Variants in ANKRD29 observed in about 807,000 individuals in gnomAD.
ANKRD29 encodes the protein ankyrin repeat domain-containing protein 29.
Under a neutral mutation model 38.0 loss-of-function variants are expected in ANKRD29, and 32 were observed. The observed-to-expected ratio is 0.84, with a 90% CI of 0.64 to 1.13. ANKRD29 has a LOEUF of 1.13. ANKRD29 is among the 50% of genes most tolerant of loss of function. ANKRD29 has a pLI of 0.00. For missense variants in ANKRD29, 357 were observed against 377.9 expected, an observed-to-expected ratio of 0.94 and a Z score of 0.46; for synonymous variants, 135 against 152.4, an observed-to-expected ratio of 0.89 and a Z score of 0.84.
intron 3 of ANKRD29, among the ~76,000 whole-genome samples, chr18:23,643,109 T>C (rs1411039406): frequency 6.6e-6 from 1 of 152,238 alleles, no homozygotes; most frequent in East Asian, 1.9e-4. Context: ...TATAAGAATC[T>C]AGGGTGCTGA....
intron 3 of ANKRD29, among the ~76,000 whole-genome samples, chr18:23,645,400 C>T (rs1452060305): frequency 6.6e-6 from 1 of 152,108 alleles, no homozygotes; most frequent in Non-Finnish European, 1.5e-5. Context: ...ATGGTGAAAC[C>T]CCATGTCTAC....
intron 2 of ANKRD29, chr18:23,648,028 G>A (rs1470015256): frequency 6.5e-6 from 1 of 152,716 alleles, no homozygotes; most frequent in Non-Finnish European, 1.5e-5. Context: ...GGGGGGAAGG[G>A]AGCGGCTCCC....
intron 6 of ANKRD29, among the ~76,000 whole-genome samples, chr18:23,624,893 T>C (rs927824681): frequency 1.3e-5 from 2 of 152,232 alleles, no homozygotes; most frequent in Non-Finnish European, 2.9e-5. Flanking sequence ...ATGGAGTATA[T>C]GACACAACCT....
At chr18:23,636,278 G>C (rs1233627811) in intron 4 of ANKRD29, among the ~76,000 whole-genome samples, 3 of 151,748 alleles carry the variant, frequency 2.0e-5, no homozygotes, top group African/African-American at 7.3e-5. Flanking sequence ...TGGGACTACA[G>C]GTGTATGTTA....
chr18:23,606,559 C>A (rs1287177992), intron 9 of ANKRD29, among the ~76,000 whole-genome samples: 1 of 152,182 alleles, frequency 6.6e-6, no homozygotes, highest in Non-Finnish European at 1.5e-5. Context: ...GATCCTCCCA[C>A]CTCTGCCTCC....
At chr18:23,651,237 T>C (rs1243873342) in intron 1 of ANKRD29, among the ~76,000 whole-genome samples, 1 of 152,202 alleles carries the variant, frequency 6.6e-6, no homozygotes, top group African/African-American at 2.4e-5. Context: ...TTGAATAGTT[T>C]CCTGGCTCAT....
At chr18:23,612,066 G>A (rs957829123) in intron 9 of ANKRD29, 26 bp downstream of exon 9, 5 of 1,605,036 alleles carry the variant, frequency 3.1e-6, no homozygotes, top group African/African-American at 2.7e-5. Flanking sequence ...GGGCCCAAAC[G>A]AGTTAAAAGA....
At chr18:23,655,041 T>TG (rs1298147145) in intron 1 of ANKRD29, among the ~76,000 whole-genome samples, 1 of 152,220 alleles carries the variant, frequency 6.6e-6, no homozygotes, top group Non-Finnish European at 1.5e-5. Flanking sequence ...GATGTAGTGA[T>TG]GGATTGCAAA....
chr18:23,648,583 T>A, intron 2 of ANKRD29: 1 of 243,062 alleles, frequency 4.1e-6, no homozygotes, highest in Admixed American at 5.6e-5. Context: ...CAGTGGGCAG[T>A]AGTATCTATT....
intron 8 of ANKRD29, among the ~76,000 whole-genome samples, chr18:23,616,345 A>G (rs913968948): frequency 2.7e-5 from 4 of 149,662 alleles, no homozygotes; most frequent in African/African-American, 9.8e-5. Context: ...CTTGGACAAT[A>G]TAGTGAGACC....
At chr18:23,628,926 T>G (rs1238992735) in intron 6 of ANKRD29, among the ~76,000 whole-genome samples, 2 of 152,244 alleles carry the variant, frequency 1.3e-5, no homozygotes, top group East Asian at 3.8e-4. Flanking sequence ...GGTTCTTCAC[T>G]GTTTATAAAG....
chr18:23,652,569 T>A (rs2060223157), intron 1 of ANKRD29, among the ~76,000 whole-genome samples: 1 of 152,126 alleles, frequency 6.6e-6, no homozygotes, highest in Admixed American at 6.5e-5. Flanking sequence ...CTGGATAACT[T>A]CCAAATCTCC....
At chr18:23,655,859 C>T (rs1159678799) in intron 1 of ANKRD29, among the ~76,000 whole-genome samples, 1 of 149,156 alleles carries the variant, frequency 6.7e-6, no homozygotes, top group Admixed American at 6.6e-5. Flanking sequence ...TTTGGGAGGC[C>T]GAGGCGGGCG....
chr18:23,623,040 G>A (rs1464083418), intron 6 of ANKRD29, among the ~76,000 whole-genome samples: 1 of 152,142 alleles, frequency 6.6e-6, no homozygotes, highest in African/African-American at 2.4e-5. Flanking sequence ...TATTAGCTTC[G>A]CAGAGATAAG....
chr18:23,651,517 G>A (rs1358430919), intron 1 of ANKRD29, among the ~76,000 whole-genome samples: 1 of 152,202 alleles, frequency 6.6e-6, no homozygotes, highest in Non-Finnish European at 1.5e-5. Flanking sequence ...GTCTGGTAGG[G>A]TGAATCAGGC....
chr18:23,649,106 C>T lies in ANKRD29; in HGVS notation c.109G>A (p.Val37Met), dbSNP rs377243384. The T allele has an allele frequency of 5.5e-5, 88 of 1,614,062 alleles. No homozygotes were observed. Among genetic ancestry groups the T allele is most frequent in the Non-Finnish European group, 7.5e-5 (88 of 1,180,008 alleles). Reference protein sequence around the residue: ...LLKLLLNSGRVDVDCRDSHGT... With the variant: ...LLKLLLNSGRMDVDCRDSHGT... The stretch of plus-strand genomic sequence containing the variant: ...ACGCTGTCTCTGCAGTCCACGTCCA[C>T]CCGGCCGCTGTTCAACAGCAGCTTC... Residue 37 changes from valine (V) to methionine (M), a missense_variant, in exon 2 of 10, where the codon GTG (valine) becomes ATG (methionine). Coordinates refer to ENST00000592179, the MANE Select transcript of ANKRD29 (RefSeq NM_173505.4).
chr18:23,629,968 T>A lies in ANKRD29; in HGVS notation c.430-17A>T, dbSNP rs768453664. On this transcript the variant is annotated splice_polypyrimidine_tract_variant and intron_variant, in intron 5 of 9. Coordinates refer to ENST00000592179, the MANE Select transcript of ANKRD29 (RefSeq NM_173505.4). ...GGCTCCATCCTGAGAGAGAACAAAT[T>A]AAAAGCATTAAAAACATTATCTTTC... 2 of 1,590,264 alleles carry A rather than the reference T, an allele frequency of 1.3e-6. No homozygotes were observed. Among genetic ancestry groups the A allele is most frequent in the Non-Finnish European group, 8.6e-7 (1 of 1,160,020 alleles).
At chr18:23,643,478 T>C (rs932302364) in intron 3 of ANKRD29, among the ~76,000 whole-genome samples, 2 of 152,228 alleles carry the variant, frequency 1.3e-5, no homozygotes, top group Admixed American at 6.5e-5. Flanking sequence ...GTAAGATAAA[T>C]AATTTGCTTT....
At chr18:23,645,768 A>G (rs1365179141) in intron 3 of ANKRD29, among the ~76,000 whole-genome samples, 1 of 152,148 alleles carries the variant, frequency 6.6e-6, no homozygotes, top group African/African-American at 2.4e-5. Flanking sequence ...GTCCTTTGAA[A>G]ACATGGTTTG....
Sources: allele counts gnomAD v4.1 joint callset (sites outside exome capture counted in the v4.1 genomes callset), GRCh38; gene constraint gnomAD v4.1.1; transcripts MANE v1.5; gene names NCBI Gene and HGNC (gene_info 2026-07-23, HGNC 2026-07-21).